The following NWD1 variants were observed in gnomAD, a reference collection of about 807,000 sequenced individuals.
NWD1 encodes NACHT and WD repeat domain containing 1.
Under a neutral mutation model 135.1 loss-of-function variants are expected in NWD1, and 129 were observed. The observed-to-expected ratio is 0.96, with a 90% CI of 0.83 to 1.11. NWD1 has a LOEUF of 1.11. Among genes scored for constraint, NWD1 ranks in the 50% least tolerant of loss-of-function variants. NWD1 has a pLI of 0.00. For synonymous variants in NWD1, 773 were observed against 786.0 expected (o/e 0.98, Z 0.28); for missense variants, 1,740 against 1,851.3 (o/e 0.94, Z 1.10).
At chr19:16,764,809 T>C (rs1969159346) in intron 9 of NWD1, among the ~76,000 whole-genome samples, 1 of 151,850 alleles carries the variant, frequency 6.6e-6, no homozygotes, top group African/African-American at 2.4e-5. Context: ...TTGTCACACT[T>C]GGGGTGGGAG....
chr19:16,769,105 G>A (rs1766906441), intron 10 of NWD1, among the ~76,000 whole-genome samples: 1 of 152,178 alleles, frequency 6.6e-6, no homozygotes. Flanking sequence ...GCTGAGGCAG[G>A]TGGATCACTT....
intron 3 of NWD1, among the ~76,000 whole-genome samples, chr19:16,732,915 A>C (rs1175815677): frequency 6.6e-6 from 1 of 152,152 alleles, no homozygotes; most frequent in Non-Finnish European, 1.5e-5. Flanking sequence ...TCATTGCACC[A>C]AAGTCCCATT....
chr19:16,792,720 C>G (rs1362201015), intron 14 of NWD1, among the ~76,000 whole-genome samples: 4 of 147,326 alleles, frequency 2.7e-5, no homozygotes, highest in Non-Finnish European at 6.0e-5. Flanking sequence ...AAAACAAAAG[C>G]CCAAAAATTA....
Position 16,817,659 on chromosome 19 carries a change from A to G in NWD1, c.*2620A>G, listed in dbSNP as rs1232855013. On this transcript the variant is annotated 3_prime_UTR_variant, in exon 19 of 19. Transcript: ENST00000524140. ...ACAATTAATTTTGCATCAACCTAATAATTTAGGATTCTTCTGCCATTTTCA... is the reference window on the plus strand; with the variant it reads ...ACAATTAATTTTGCATCAACCTAATGATTTAGGATTCTTCTGCCATTTTCA... The G allele has an allele frequency of 1.3e-5, 2 of 151,998 alleles. No homozygotes were observed. Among genetic ancestry groups the G allele is most frequent in the African/African-American group, 4.8e-5 (2 of 41,400 alleles). 9.4% of individuals were successfully genotyped at this position (151,998 alleles called of 1,614,324 possible).
chr19:16,741,368 G>GGT (rs1555718446), intron 4 of NWD1, among the ~76,000 whole-genome samples: 2 of 125,022 alleles, frequency 1.6e-5, no homozygotes, highest in African/African-American at 6.0e-5. Context: ...TTGTTTTTGT[G>GGT]TTTTTTTTTT....
At chr19:16,736,846 T>C in intron 4 of NWD1, 96 bp downstream of exon 4, 1 of 771,668 alleles carries the variant, frequency 1.3e-6, no homozygotes, top group Non-Finnish European at 2.2e-6. Flanking sequence ...GTAGGTACCG[T>C]TTCTGCTTTC....
chr19:16,772,488 A>T (rs1969450178), intron 10 of NWD1, among the ~76,000 whole-genome samples: 1 of 152,134 alleles, frequency 6.6e-6, no homozygotes, highest in Non-Finnish European at 1.5e-5. Context: ...TCCACTAGAC[A>T]CACAAAAATT....
chr19:16,801,936 G>T (rs993670483), intron 17 of NWD1, among the ~76,000 whole-genome samples: 1 of 151,992 alleles, frequency 6.6e-6, no homozygotes. Flanking sequence ...CAGGAAGATT[G>T]CTTGAGGCCG....
At chr19:16,733,326 G>A (rs542757384) in intron 3 of NWD1, among the ~76,000 whole-genome samples, 1 of 151,904 alleles carries the variant, frequency 6.6e-6, no homozygotes, top group African/African-American at 2.4e-5. Context: ...TTCGAGACCA[G>A]CCTGGCCAAC....
rs2122727574 is a variant in NWD1, at chr19:16,736,698, G to A, written c.146G>A (p.Cys49Tyr). Residue 49 changes from cysteine (C) to tyrosine (Y), a missense_variant, in exon 4 of 19, where the codon TGC (cysteine) becomes TAC (tyrosine). Cys to Tyr is a radical substitution (Grantham distance 194). Transcript: ENST00000524140. ...ACTGACCACTTGACCACAGAACTCT[G>A]CTTGGAGGAGGTTGACCGGTGTTGG... ...EATDHLTTEL[C>Y]LEEVDRCWKT... 1 of 1,536,334 alleles carries A rather than the reference G, an allele frequency of 6.5e-7. No individual in the cohort carries two copies. Among genetic ancestry groups the A allele is most frequent in the East Asian group, 2.4e-5 (1 of 40,908 alleles).
At chr19:16,730,090 G>A (rs1299021060) in intron 2 of NWD1, among the ~76,000 whole-genome samples, 4 of 151,850 alleles carry the variant, frequency 2.6e-5, no homozygotes, top group African/African-American at 9.7e-5. Context: ...TTGGGAGGCC[G>A]AGGTGGGCAG....
At chr19:16,767,591 G>T (rs1969271395) in intron 10 of NWD1, among the ~76,000 whole-genome samples, 1 of 151,828 alleles carries the variant, frequency 6.6e-6, no homozygotes, top group South Asian at 2.1e-4. Flanking sequence ...TCCAGCCTGG[G>T]TGACAGAGTG....
intron 7 of NWD1, among the ~76,000 whole-genome samples, chr19:16,760,949 ACCT>A (rs1321847585): frequency 6.6e-6 from 1 of 151,740 alleles, no homozygotes; most frequent in African/African-American, 2.4e-5. Context: ...TGCACCCCTC[ACCT>A]CTGTCTAGTT....
At chr19:16,748,392 G>A (rs777303397) in intron 5 of NWD1, among the ~76,000 whole-genome samples, 1 of 152,132 alleles carries the variant, frequency 6.6e-6, no homozygotes, top group Non-Finnish European at 1.5e-5. Flanking sequence ...GGTATTTTCA[G>A]CAGATACCTG....
At chr19:16,739,571 C>T (rs1163736608) in intron 4 of NWD1, among the ~76,000 whole-genome samples, 1 of 152,082 alleles carries the variant, frequency 6.6e-6, no homozygotes, top group East Asian at 1.9e-4. Flanking sequence ...GACTTCCTTC[C>T]TGCTTCCATC....
intron 5 of NWD1, among the ~76,000 whole-genome samples, chr19:16,745,564 A>C (rs185029736): frequency 1.9e-3 from 278 of 149,762 alleles, no homozygotes; most frequent in African/African-American, 6.5e-3. Flanking sequence ...CCTCATCTCT[A>C]CAAAAAAAAA....
chr19:16,726,690 C>T (rs536038639), intron 2 of NWD1, among the ~76,000 whole-genome samples: 1 of 152,188 alleles, frequency 6.6e-6, no homozygotes, highest in Admixed American at 6.6e-5. Flanking sequence ...CCACCCACCT[C>T]GGCCTCCCAA....
intron 6 of NWD1, among the ~76,000 whole-genome samples, chr19:16,752,270 A>G (rs11879655): frequency 0.011 from 1,607 of 152,114 alleles, 32 homozygotes; most frequent in African/African-American, 0.036. Flanking sequence ...GGTTACCACA[A>G]ATTCATCTAG....
intron 13 of NWD1, 99 bp downstream of exon 13, chr19:16,789,289 TGGGGTG>T: frequency 2.2e-6 from 2 of 908,468 alleles, no homozygotes; most frequent in Non-Finnish European, 3.5e-6. Flanking sequence ...GATACAGTGA[TGGGGTG>T]GGGGTGTAAA....
Sources: gnomAD v4.1 joint callset for allele counts (sites outside exome capture counted in the v4.1 genomes callset) on GRCh38, gnomAD v4.1.1 for gene constraint, MANE v1.5 for transcripts, NCBI Gene and HGNC (gene_info 2026-07-23, HGNC 2026-07-21) for gene names.